Variants in ADCYAP1R1 observed in about 807,000 individuals in gnomAD.
The protein encoded by ADCYAP1R1 is pituitary adenylate cyclase-activating polypeptide type I receptor.
ADCYAP1R1 carries 44 observed loss-of-function variants against 67.6 expected under a neutral mutation model. That is an observed-to-expected ratio of 0.65 (90% CI 0.51 to 0.84). ADCYAP1R1 has a LOEUF of 0.84. Among genes scored for constraint, ADCYAP1R1 ranks in the 40% least tolerant of loss-of-function variants. The probability of loss-of-function intolerance (pLI) is 0.00; values close to 1 mark genes in which losing one functional copy is unlikely to be tolerated. For missense variants in ADCYAP1R1, 477 were observed against 587.9 expected (o/e 0.81, Z 1.95); for synonymous variants, 222 against 219.6 (o/e 1.01, Z -0.10).
chr7:31,084,706 G>A, intron 7 of ADCYAP1R1, 31 bp from the exon 8 acceptor site: 2 of 1,576,086 alleles, frequency 1.3e-6, no homozygotes, highest in Non-Finnish European at 1.7e-6. Flanking sequence ...GGTCTCACAT[G>A]AAGTCCTGCA....
intron 14 of ADCYAP1R1, 131 bp from the exon 15 acceptor site, chr7:31,104,737 G>C (rs1159678589): frequency 2.0e-6 from 2 of 1,020,478 alleles, no homozygotes; most frequent in East Asian, 4.8e-5. Flanking sequence ...TCTTACCCCA[G>C]ATCCCTGGGC....
chr7:31,088,092 C>G (rs528738979), intron 12 of ADCYAP1R1, among the ~76,000 whole-genome samples: 1 of 152,314 alleles, frequency 6.6e-6, no homozygotes, highest in South Asian at 2.1e-4. Flanking sequence ...ATTTCATTGT[C>G]TACGCTTAAT....
chr7:31,085,590 A>G (rs1795713176), intron 9 of ADCYAP1R1, 148 bp downstream of exon 9: 1 of 932,364 alleles, frequency 1.1e-6, no homozygotes, highest in Non-Finnish European at 1.5e-6. Flanking sequence ...CCCCCGGTTT[A>G]TGTGAAAACT....
At chr7:31,098,708 G>GC (rs987547698) in intron 13 of ADCYAP1R1, among the ~76,000 whole-genome samples, 2 of 49,800 alleles carry the variant, frequency 4.0e-5, no homozygotes, top group Non-Finnish European at 3.1e-5. Flanking sequence ...CGGGGCGGGG[G>GC]GGGGGGGGGG....
rs1796827197 is a variant in ADCYAP1R1 at position 31,110,627 on chromosome 7, G to A, written c.*3943G>A. Reference sequence around the variant, plus strand: ...AGTACGCATGTAACCTTGCACAGGAGTGGGGCTCTGGTGACCGAAGGTTGT... The same window carrying A: ...AGTACGCATGTAACCTTGCACAGGAATGGGGCTCTGGTGACCGAAGGTTGT... On this transcript the variant is annotated 3_prime_UTR_variant, in exon 16 of 16. Transcript: ENST00000304166. The A allele has an allele frequency of 6.5e-6, 1 of 152,796 alleles. No individual in the cohort carries two copies. The highest frequency in any genetic ancestry group is 1.5e-5 in the Non-Finnish European group (1 of 68,080). 9.5% of individuals were successfully genotyped at this position (152,796 alleles called of 1,614,324 possible).
At chr7:31,055,482 C>T (rs1794201796) in intron 1 of ADCYAP1R1, among the ~76,000 whole-genome samples, 1 of 152,196 alleles carries the variant, frequency 6.6e-6, no homozygotes, top group South Asian at 2.1e-4. Flanking sequence ...TAGCCTACTG[C>T]AGCCTTAGAT....
chr7:31,054,279 C>A (rs1794151553), intron 1 of ADCYAP1R1, among the ~76,000 whole-genome samples: 1 of 152,078 alleles, frequency 6.6e-6, no homozygotes, highest in South Asian at 2.1e-4. Flanking sequence ...TGGGACAAGA[C>A]CCCCAAAAGT....
rs1795691867 is a variant in ADCYAP1R1, at chr7:31,085,319, C to T, written c.546C>T (p.His182=). ...TGGCCCACTCATGTAGGAAGCTGCA[C>T]TGCACACGCAACTTCATCCACATGA... is the stretch of plus-strand genomic sequence containing the variant. ...MVILCRFRKL[H]CTRNFIHMNL... is the part of the protein sequence containing the mutation. The change falls in exon 9 of 16, where the codon CAC becomes CAT. Residue 182 remains histidine (H), a synonymous_variant. Transcript: ENST00000304166. The T allele has an allele frequency of 6.2e-7, 1 of 1,613,756 alleles. No homozygotes were observed. Among genetic ancestry groups the T allele is most frequent in the East Asian group, 2.2e-5 (1 of 44,884 alleles).
At chr7:31,085,477 C>T (rs775897837) in intron 9 of ADCYAP1R1, 35 bp downstream of exon 9, 32 of 1,600,422 alleles carry the variant, frequency 2.0e-5, no homozygotes, top group East Asian at 6.7e-5. Context: ...AGGGCTCTGC[C>T]GGGAAGGTCC....
chr7:31,082,148 G>A (rs148603376), intron 6 of ADCYAP1R1, among the ~76,000 whole-genome samples: 2,993 of 152,280 alleles, frequency 0.02, 39 homozygotes, highest in Non-Finnish European at 0.025. Context: ...TCCGCCTGGG[G>A]TGGGGCCTGA....
rs766933655 is a variant in ADCYAP1R1, at chr7:31,087,639, G to A, written c.897G>A (p.Met299Ile). ...LYFDDTGCWD[M>I]NDSTALWWVI... ...GTCCATCTTTCAGCTGCTGGGATAT[G>A]AATGACAGCACAGCTCTGTGGTGGG... The change falls in exon 12 of 16, where the codon ATG becomes ATA. Residue 299 changes from methionine to isoleucine, a missense_variant. Met to Ile is a conservative substitution (Grantham distance 10, BLOSUM62 1). Coordinates refer to ENST00000304166, the MANE Select transcript of ADCYAP1R1 (RefSeq NM_001118.5). 2 of 1,614,050 alleles carry A rather than the reference G, an allele frequency of 1.2e-6. No individual in the cohort carries two copies. Among genetic ancestry groups the A allele is most frequent in the Non-Finnish European group, 1.7e-6 (2 of 1,179,944 alleles).
At chr7:31,080,394 C>T (rs1168146027) in intron 4 of ADCYAP1R1, among the ~76,000 whole-genome samples, 1 of 152,180 alleles carries the variant, frequency 6.6e-6, no homozygotes, top group African/African-American at 2.4e-5. Flanking sequence ...GATCTCCCTC[C>T]TCCTCTCAAA....
At chr7:31,064,758 TG>T in intron 2 of ADCYAP1R1, 72 bp from the exon 3 acceptor site, 1 of 1,272,882 alleles carries the variant, frequency 7.9e-7, no homozygotes, top group Admixed American at 2.0e-5. Flanking sequence ...ACACTGCCCC[TG>T]GGGCTTTGGT....
rs749208553 is a variant in ADCYAP1R1 at position 31,064,885 on chromosome 7, G to A, written c.106G>A (p.Glu36Lys). 16 of 1,612,856 alleles carry A rather than the reference G, an allele frequency of 9.9e-6. No individual in the cohort carries two copies. The Admixed American group carries it at 1.3e-4, about 13-fold the overall frequency. ...IFKKEQAMCL[E>K]KIQRANELMG... ...CAAGAAGGAGCAAGCCATGTGCCTGGAGAAGATCCAGAGGGCCAATGAGCT... is the reference window on the plus strand; with the variant it reads ...CAAGAAGGAGCAAGCCATGTGCCTGAAGAAGATCCAGAGGGCCAATGAGCT... The change falls in exon 3 of 16, where the codon GAG becomes AAG. Residue 36 changes from glutamate to lysine, a missense_variant. By Grantham distance (56) the Glu-to-Lys change is moderately conservative. Coordinates refer to ENST00000304166, the MANE Select transcript of ADCYAP1R1 (RefSeq NM_001118.5).
chr7:31,094,621 T>A (rs550304996), intron 13 of ADCYAP1R1, among the ~76,000 whole-genome samples: 9 of 152,090 alleles, frequency 5.9e-5, no homozygotes, highest in Non-Finnish European at 7.4e-5. Flanking sequence ...GATACCCTAC[T>A]GAACCCTGAA....
At chr7:31,095,860 G>T in intron 13 of ADCYAP1R1, 1 of 640,596 alleles carries the variant, frequency 1.6e-6, no homozygotes. Context: ...CCTCTGCGGG[G>T]GGACGGTGGC....
chr7:31,064,804 C>G (rs1302127566), intron 2 of ADCYAP1R1, 27 bp from the exon 3 acceptor site: 1 of 1,582,094 alleles, frequency 6.3e-7, no homozygotes, highest in Non-Finnish European at 8.6e-7. Flanking sequence ...TACCCGCTCC[C>G]ACCATCCATC....
chr7:31,094,777 T>C (rs1796121809), intron 13 of ADCYAP1R1, among the ~76,000 whole-genome samples: 1 of 152,166 alleles, frequency 6.6e-6, no homozygotes, highest in Non-Finnish European at 1.5e-5. Flanking sequence ...AGATAAGAGC[T>C]ACCTGTAATT....
At chr7:31,099,716 T>G (rs1286684322) in intron 13 of ADCYAP1R1, among the ~76,000 whole-genome samples, 1 of 152,148 alleles carries the variant, frequency 6.6e-6, no homozygotes, top group Non-Finnish European at 1.5e-5. Context: ...GTGCAGAAGA[T>G]CGGCAGTGTG....
Sources: gnomAD v4.1 joint callset for allele counts (sites outside exome capture counted in the v4.1 genomes callset) on GRCh38, gnomAD v4.1.1 for gene constraint, MANE v1.5 for transcripts, NCBI Gene and HGNC (gene_info 2026-07-23, HGNC 2026-07-21) for gene names.